The following PDS5A variants were observed in gnomAD, a reference collection of about 807,000 sequenced individuals.
PDS5A encodes the protein PDS5 cohesin associated factor A.
Under a neutral mutation model 167.1 loss-of-function variants are expected in PDS5A, and 42 were observed. That is an observed-to-expected ratio of 0.25 (90% CI 0.20 to 0.33). The LOEUF (loss-of-function observed/expected upper bound fraction) is 0.33. Among genes scored for constraint, PDS5A ranks in the 10% least tolerant of loss-of-function variants. PDS5A has a pLI of 1.00. For missense variants in PDS5A, 1,033 were observed against 1,605.9 expected (o/e 0.64, Z 6.10); for synonymous variants, 553 against 554.6 (o/e 1.00, Z 0.04).
chr4:39,970,420 AC>A (rs1730391979), intron 2 of PDS5A, among the ~76,000 whole-genome samples: 2 of 150,122 alleles, frequency 1.3e-5, no homozygotes, highest in Admixed American at 1.3e-4. Flanking sequence ...TCAAAGCTTC[AC>A]AATAGTTTCT....
intron 8 of PDS5A, among the ~76,000 whole-genome samples, chr4:39,916,077 A>G (rs1470035096): frequency 6.6e-6 from 1 of 152,010 alleles, no homozygotes; most frequent in Admixed American, 6.6e-5. Flanking sequence ...AAACAAACAA[A>G]CAAGCAAAAA....
At chr4:39,834,015 T>C (rs2109474257) in intron 32 of PDS5A, among the ~76,000 whole-genome samples, 1 of 152,280 alleles carries the variant, frequency 6.6e-6, no homozygotes, top group Non-Finnish European at 1.5e-5. Context: ...CAATAGGAAC[T>C]GAAACATGGC....
chr4:39,835,830 T>C (rs892924213), intron 32 of PDS5A, among the ~76,000 whole-genome samples: 8 of 152,210 alleles, frequency 5.3e-5, no homozygotes, highest in African/African-American at 1.9e-4. Flanking sequence ...GCCACAAGTA[T>C]GTATCTGTAC....
chr4:39,931,972 A>G (rs1484455993), intron 2 of PDS5A, among the ~76,000 whole-genome samples: 1 of 151,444 alleles, frequency 6.6e-6, no homozygotes, highest in Non-Finnish European at 1.5e-5. Flanking sequence ...GCTCACTGCA[A>G]TCTCTGCCTC....
chr4:39,970,620 T>C (rs1435572389), intron 2 of PDS5A, among the ~76,000 whole-genome samples: 2 of 151,730 alleles, frequency 1.3e-5, no homozygotes, highest in Non-Finnish European at 2.9e-5. Flanking sequence ...AAATATGGCG[T>C]TATTGCCCCT....
rs945426899 is a variant in PDS5A, at chr4:39,823,587, ACTCT to A, written c.*1894_*1897del. On this transcript the variant is annotated 3_prime_UTR_variant, in exon 33 of 33. Transcript: ENST00000303538. Reference sequence around the variant, plus strand: ...TTGTCTGATGCTAAGAGAACTTTAAACTCTCTCTAAATAGAACACACCTACTGAT... The same window carrying A: ...TTGTCTGATGCTAAGAGAACTTTAAACTCTAAATAGAACACACCTACTGAT... 3 of 152,468 alleles carry A rather than the reference ACTCT, an allele frequency of 2.0e-5. No homozygotes were observed. The highest frequency in any genetic ancestry group is 1.3e-4 in the Admixed American group (2 of 15,256). 9.4% of individuals were successfully genotyped at this position (152,468 alleles called of 1,614,324 possible). A position where few individuals can be genotyped will look rare whatever the true frequency, so the allele number is the denominator to read the frequency against.
At chr4:39,975,720 C>G (rs1731024529) in intron 2 of PDS5A, among the ~76,000 whole-genome samples, 1 of 152,148 alleles carries the variant, frequency 6.6e-6, no homozygotes, top group African/African-American at 2.4e-5. Flanking sequence ...CAAAGTTGCC[C>G]TGACTCAGAA....
chr4:39,843,106 C>A (rs1244672231), intron 30 of PDS5A, among the ~76,000 whole-genome samples: 1 of 151,268 alleles, frequency 6.6e-6, no homozygotes, highest in East Asian at 2.0e-4. Flanking sequence ...AACTCCTGGG[C>A]TCCAGTGATT....
chr4:39,924,599 C>A (rs1483989033), intron 5 of PDS5A, among the ~76,000 whole-genome samples: 1 of 152,164 alleles, frequency 6.6e-6, no homozygotes, highest in East Asian at 1.9e-4. Context: ...AGCCATTTGC[C>A]ACATATGGCT....
intron 32 of PDS5A, among the ~76,000 whole-genome samples, chr4:39,832,081 G>A (rs1715951320): frequency 6.6e-6 from 1 of 151,630 alleles, no homozygotes; most frequent in Non-Finnish European, 1.5e-5. Context: ...TCTCACCATT[G>A]TACTCCAGCC....
intron 14 of PDS5A, 78 bp downstream of exon 14, chr4:39,900,348 T>C: frequency 1.2e-6 from 1 of 837,252 alleles, no homozygotes; most frequent in Non-Finnish European, 1.9e-6. Flanking sequence ...ACTTTTTCCC[T>C]GCTTCATTAC....
intron 2 of PDS5A, chr4:39,973,401 T>C: frequency 6.3e-7 from 1 of 1,581,038 alleles, no homozygotes; most frequent in Non-Finnish European, 8.7e-7. Context: ...CCGCAGCATA[T>C]TTATACTGTG....
At chr4:39,848,587 A>G (rs1717849971) in intron 28 of PDS5A, 1 of 372,960 alleles carries the variant, frequency 2.7e-6, no homozygotes, top group Admixed American at 4.4e-5. Flanking sequence ...GTTTCAATAA[A>G]ATGAGATTAA....
At position 39,822,992 on chromosome 4, in the gene PDS5A, A is replaced by G. The variant is rs951222748; in HGVS notation, c.*2493T>C. The G allele has an allele frequency of 6.5e-6, 1 of 152,678 alleles. No individual in the cohort carries two copies. The highest frequency in any genetic ancestry group is 2.4e-5 in the African/African-American group (1 of 41,476). 9.5% of individuals were successfully genotyped at this position (152,678 alleles called of 1,614,324 possible). On this transcript the variant is annotated 3_prime_UTR_variant, in exon 33 of 33. Transcript: ENST00000303538. ...GTTTTTAAAAAAAATTTAAAAATTC[A>G]GCCCATGTGCAGCACAAGAATATGC...
At chr4:39,869,157 TTAAC>T (rs1452026207) in intron 22 of PDS5A, among the ~76,000 whole-genome samples, 1 of 152,200 alleles carries the variant, frequency 6.6e-6, no homozygotes, top group Non-Finnish European at 1.5e-5. Context: ...CAAATGCTTA[TTAAC>T]TATTAGGTTT....
intron 32 of PDS5A, among the ~76,000 whole-genome samples, chr4:39,828,553 C>T (rs935851519): frequency 6.6e-6 from 1 of 152,178 alleles, no homozygotes; most frequent in African/African-American, 2.4e-5. Context: ...CATCAGAAAT[C>T]TACCTAAAAG....
At chr4:39,897,080 A>G (rs1017522403) in intron 16 of PDS5A, among the ~76,000 whole-genome samples, 1 of 152,140 alleles carries the variant, frequency 6.6e-6, no homozygotes, top group Non-Finnish European at 1.5e-5. Flanking sequence ...GTTGTCATGC[A>G]GTATACCATT....
chr4:39,922,558 GT>G, intron 6 of PDS5A, 63 bp downstream of exon 6: 1 of 1,365,592 alleles, frequency 7.3e-7, no homozygotes, highest in Non-Finnish European at 9.6e-7. Context: ...TAAAACAACT[GT>G]TCATTCTTAT....
rs1042541814 is a variant in PDS5A at position 39,930,654 on chromosome 4, G to A, written c.139-2490C>T. 7.2e-5 allele frequency among the ~76,000 whole-genome samples: 11 copies of A among 152,176 alleles called. No individual in the cohort carries two copies. In the South Asian group the frequency reaches 1.2e-3, roughly 17 times the overall value. On this transcript the variant is annotated intron_variant, in intron 2 of 32. Coordinates refer to ENST00000303538, the MANE Select transcript of PDS5A (RefSeq NM_001100399.2). ...TGGCTTATAACTTCTTAAGACAACC[G>A]TATCAGGTTTTAGTACTAAATTATA...
Sources: gnomAD v4.1 joint callset for allele counts (sites outside exome capture counted in the v4.1 genomes callset) on GRCh38, gnomAD v4.1.1 for gene constraint, MANE v1.5 for transcripts, NCBI Gene and HGNC (gene_info 2026-07-23, HGNC 2026-07-21) for gene names.